KREMEN2: variants seen among roughly 807,000 people sequenced by gnomAD.
KREMEN2 encodes the protein kremen protein 2.
In KREMEN2, 43 loss-of-function variants were observed where a neutral mutation model predicts 49.8. The ratio of observed to expected loss-of-function variants is 0.86; its 90% confidence interval spans 0.68 to 1.11. The LOEUF (loss-of-function observed/expected upper bound fraction) is 1.11, where lower values mean the gene tolerates loss of function less well. Ranked by LOEUF, KREMEN2 falls within the 50% of genes most tolerant of loss-of-function variation. The pLI, the probability that KREMEN2 is intolerant of heterozygous loss-of-function variation, is 0.00. For synonymous variants in KREMEN2, 355 were observed against 304.9 expected, an observed-to-expected ratio of 1.16 and a Z score of -1.71; for missense variants, 686 against 665.7, an observed-to-expected ratio of 1.03 and a Z score of -0.34.
At position 2,967,514 on chromosome 16, in the gene KREMEN2, G is replaced by T. The variant is rs915459484; in HGVS notation, c.1100-12G>T. ...CCTCGCGCCCATCCTCACCGCAGCC[G>T]TGTGCCCGCAGCCCGGGTCTTCTCG... is the stretch of plus-strand genomic sequence containing the variant. On this transcript the variant is annotated splice_polypyrimidine_tract_variant and intron_variant, in intron 7 of 8. Coordinates refer to ENST00000303746, the MANE Select transcript of KREMEN2 (RefSeq NM_172229.3). The T allele has an allele frequency of 4.6e-5, 70 of 1,529,018 alleles. No individual in the cohort carries two copies. Among genetic ancestry groups the T allele is most frequent in the Non-Finnish European group, 5.8e-5 (66 of 1,144,394 alleles). 94.7% of individuals were successfully genotyped at this position (1,529,018 alleles called of 1,614,324 possible).
chr16:2,964,687 C>A, intron 1 of KREMEN2, 73 bp downstream of exon 1: 2 of 1,438,340 alleles, frequency 1.4e-6, no homozygotes, highest in South Asian at 2.6e-5. Flanking sequence ...GCCAGGCCCC[C>A]AAGGCTAGGG....
rs1210829529 is a variant in KREMEN2, at chr16:2,966,649, G to A, written c.494G>A (p.Gly165Asp). 1 of 1,609,696 alleles carries A rather than the reference G, an allele frequency of 6.2e-7. No homozygotes were observed. The highest frequency in any genetic ancestry group is 8.5e-7 in the Non-Finnish European group (1 of 1,179,902). ...FCRMKGYQLA[G>D]VEAGYACFCG... Reference sequence around the variant, plus strand: ...CCCAGTCTGTGCTCCCAGCTGGCGGGCGTGGAGGCCGGTTACGCCTGCTTC... The same window carrying A: ...CCCAGTCTGTGCTCCCAGCTGGCGGACGTGGAGGCCGGTTACGCCTGCTTC... Residue 165 changes from glycine to aspartate, a missense_variant, in exon 5 of 9, where the codon GGC becomes GAC. Coordinates refer to ENST00000303746, the MANE Select transcript of KREMEN2 (RefSeq NM_172229.3). This position sits in a 1 kb window ranked among gnomAD's most constrained non-coding sequence, Gnocchi z 8.4.
chr16:2,965,118 T>A, intron 2 of KREMEN2, 85 bp downstream of exon 2: 2 of 871,620 alleles, frequency 2.3e-6, no homozygotes, highest in Non-Finnish European at 2.8e-6. Flanking sequence ...GCGGGCGGGG[T>A]GGAGGTCTGC....
At position 2,967,994 on chromosome 16, in the gene KREMEN2, C is replaced by T. The variant is rs1291734978; in HGVS notation, c.1363C>T (p.Leu455=). 1.3e-6 allele frequency: 2 copies of T among 1,573,080 alleles called. No homozygotes were observed. The highest frequency in any genetic ancestry group is 3.6e-5 in the Admixed American group (2 of 55,380). ...TCTGAGTGCCTCCAGCCAGAGCTCC[C>T]TGCGCTCGCTCATCTCCGCTCTCTG... is the stretch of plus-strand genomic sequence containing the variant. The part of the protein sequence containing the change: ...RPLSASSQSS[L]RSLISAL Residue 455 remains leucine, a synonymous_variant, in exon 9 of 9, where the codon CTG becomes TTG. Coordinates refer to ENST00000303746, the MANE Select transcript of KREMEN2 (RefSeq NM_172229.3).
At chr16:2,967,735 C>T (rs758916318) in intron 8 of KREMEN2, 75 bp from the exon 9 acceptor site, 2 of 1,544,148 alleles carry the variant, frequency 1.3e-6, no homozygotes, top group Non-Finnish European at 8.8e-7. Context: ...CACAGGATCG[C>T]GCGCGGGATC....
Position 2,967,680 on chromosome 16 carries a change from G to A in KREMEN2, c.1178+76G>A, listed in dbSNP as rs777634133. 1,433 of 1,545,576 alleles carry A rather than the reference G, an allele frequency of 9.3e-4. 2 individuals are homozygous for A. Among genetic ancestry groups the A allele is most frequent in the Non-Finnish European group, 1.1e-3 (1,303 of 1,146,390 alleles). ...GAGCCCCAGAAGGGAACAGAGCTAG[G>A]AAGGAACTCCTGGGTTCTTAAGGGA... On this transcript the variant is annotated intron_variant, in intron 8 of 8. Coordinates refer to ENST00000303746, the MANE Select transcript of KREMEN2 (RefSeq NM_172229.3).
chr16:2,967,431 C>G lies in KREMEN2; in HGVS notation c.1085C>G (p.Pro362Arg), dbSNP rs950194403. The stretch of plus-strand genomic sequence containing the variant: ...TGCAGCCCCAGGCCTGGGGCTCCGC[C>G]GGCCGCGATTGGGGGTGAGGCGGGC... Reference protein sequence around the residue: ...VSCSPRPGAPPAAIGARVFST... With the variant: ...VSCSPRPGAPRAAIGARVFST... Residue 362 changes from proline (P) to arginine (R), a missense_variant, in exon 7 of 9, where the codon CCG becomes CGG. Pro to Arg is a moderately radical substitution (Grantham distance 103). Transcript: ENST00000303746. 1.4e-6 allele frequency: 2 copies of G among 1,402,124 alleles called. No individual in the cohort carries two copies. The highest frequency in any genetic ancestry group is 3.1e-5 in the African/African-American group (2 of 65,388). The allele number at this position is 1,402,124 out of a possible 1,614,324, so 86.9% of individuals were successfully genotyped here. A position where few individuals can be genotyped will look rare whatever the true frequency, so the allele number is the denominator to read the frequency against.
In KREMEN2 at chr16:2,968,275, C is replaced by T. The variant is rs933654368; in HGVS notation, c.*255C>T. ...GTCTCTGGTTTCGGAGGTCTTTGAA[C>T]CCCTCTGGGGGTGGTCCTGGACTGC... On this transcript the variant is annotated 3_prime_UTR_variant, in exon 9 of 9. Coordinates refer to ENST00000303746, the MANE Select transcript of KREMEN2 (RefSeq NM_172229.3). 2 of 1,277,114 alleles carry T rather than the reference C, an allele frequency of 1.6e-6. No individual in the cohort carries two copies. 79.1% of individuals were successfully genotyped at this position (1,277,114 alleles called of 1,614,324 possible). A position where few individuals can be genotyped will look rare whatever the true frequency, so the allele number is the denominator to read the frequency against.
In KREMEN2 at chr16:2,966,771, G is replaced by C; in HGVS notation, c.616G>C (p.Asp206His). 1 of 1,611,312 alleles carries C rather than the reference G, an allele frequency of 6.2e-7. No homozygotes were observed. Among genetic ancestry groups the C allele is most frequent in the Non-Finnish European group, 8.5e-7 (1 of 1,179,412 alleles). The change falls in exon 5 of 9, where the codon GAT becomes CAT. Residue 206 changes from aspartate (D) to histidine (H), a missense_variant. Transcript: ENST00000303746. The surrounding 1 kb of genome is among the most constrained non-coding windows in gnomAD (Gnocchi z 8.4). ...FGHPGQLCGG[D>H]GRLGVYEVSV... is the part of the protein sequence containing the mutation. ...CCACCCTGGACAGCTGTGTGGCGGCGATGGGCGGCTGGGCGTCTATGAAGG... is the reference window on the plus strand; with the variant it reads ...CCACCCTGGACAGCTGTGTGGCGGCCATGGGCGGCTGGGCGTCTATGAAGG...
chr16:2,967,663 G>A, intron 8 of KREMEN2, 59 bp downstream of exon 8: 1 of 1,540,910 alleles, frequency 6.5e-7, no homozygotes, highest in Non-Finnish European at 8.7e-7. Flanking sequence ...TGGAGCCCCA[G>A]AAGGGAACAG....
chr16:2,964,734 C>A, intron 1 of KREMEN2, 120 bp downstream of exon 1: 1 of 1,392,284 alleles, frequency 7.2e-7, no homozygotes, highest in Non-Finnish European at 9.8e-7. Context: ...AGCTGAGCAG[C>A]CCGAGGGCTC....
intron 2 of KREMEN2, 106 bp downstream of exon 2, chr16:2,965,139 C>T: frequency 1.3e-6 from 1 of 791,630 alleles, no homozygotes; most frequent in Non-Finnish European, 1.8e-6. Flanking sequence ...CGTGGACTGG[C>T]AGCCCAGCCT....
In KREMEN2 at chr16:2,964,501, C is replaced by T. The variant is rs1270391472; in HGVS notation, c.-20C>T. On this transcript the variant is annotated 5_prime_UTR_variant, in exon 1 of 9. Transcript: ENST00000303746. The stretch of plus-strand genomic sequence containing the variant: ...CCGGGCCGTGTCCGGGCGAGGGTGA[C>T]CTATCCTTGGTTGAGAGCGATGGGG... 5 of 1,533,532 alleles carry T rather than the reference C, an allele frequency of 3.3e-6. No individual in the cohort carries two copies. The highest frequency in any genetic ancestry group is 4.4e-6 in the Non-Finnish European group (5 of 1,139,932). The allele number at this position is 1,533,532 out of a possible 1,614,324, so 95.0% of individuals were successfully genotyped here.
At chr16:2,965,769 CAAA>C (rs5815141) in intron 2 of KREMEN2, among the ~76,000 whole-genome samples, 9 of 115,648 alleles carry the variant, frequency 7.8e-5, no homozygotes, top group East Asian at 2.8e-4. Flanking sequence ...AGACTCGTCT[CAAA>C]AAAAAAAAAA....
intron 8 of KREMEN2, 67 bp from the exon 9 acceptor site, chr16:2,967,743 A>T: frequency 6.5e-7 from 1 of 1,545,192 alleles, no homozygotes; most frequent in East Asian, 2.4e-5. Context: ...CGCGCGCGGG[A>T]TCGCAGGTAG....
In KREMEN2 at chr16:2,964,437, A is replaced by G; in HGVS notation, c.-84A>G. Reference sequence around the variant, plus strand: ...AGACTGTCAGAGGACAACGCCCCCTAGGTCTCCTGGGAGACCCCGAAGCGA... The same window carrying G: ...AGACTGTCAGAGGACAACGCCCCCTGGGTCTCCTGGGAGACCCCGAAGCGA... On this transcript the variant is annotated 5_prime_UTR_variant, in exon 1 of 9. Transcript: ENST00000303746. 2 of 909,200 alleles carry G rather than the reference A, an allele frequency of 2.2e-6. No individual in the cohort carries two copies. Among genetic ancestry groups the G allele is most frequent in the East Asian group, 2.7e-5 (1 of 36,796 alleles). The allele number at this position is 909,200 out of a possible 1,614,324, so 56.3% of individuals were successfully genotyped here. A position where few individuals can be genotyped will look rare whatever the true frequency, so the allele number is the denominator to read the frequency against.
chr16:2,966,212 C>T lies in KREMEN2; in HGVS notation c.342C>T (p.Cys114=). 1.9e-6 allele frequency: 3 copies of T among 1,613,052 alleles called. No homozygotes were observed. Among genetic ancestry groups the T allele is most frequent in the South Asian group, 1.1e-5 (1 of 91,052 alleles). The change falls in exon 3 of 9, where the codon TGC becomes TGT. Residue 114 remains cysteine, a synonymous_variant. Coordinates refer to ENST00000303746, the MANE Select transcript of KREMEN2 (RefSeq NM_172229.3). This position sits in a 1 kb window ranked among gnomAD's most constrained non-coding sequence, Gnocchi z 8.4. ...AGGAGGGCATCTACTGGCGCTACTG[C>T]GACATCCCCTCCTGTCACAGTGAGT... ...ETEEGIYWRY[C]DIPSCHMPGY...
Position 2,967,953 on chromosome 16 carries a change from C to T in KREMEN2, c.1322C>T (p.Ala441Val), listed in dbSNP as rs747033806. 2 of 1,584,902 alleles carry T rather than the reference C, an allele frequency of 1.3e-6. No homozygotes were observed. Among genetic ancestry groups the T allele is most frequent in the South Asian group, 1.1e-5 (1 of 87,270 alleles). ...GGGGACCCCCAGGCTGAGGGTTCTG[C>T]CGCGGGCTACCGGCCTCTGAGTGCC... ...SPGDPQAEGS[A>V]AGYRPLSASS... is the part of the protein sequence containing the mutation. Residue 441 changes from alanine (A) to valine (V), a missense_variant, in exon 9 of 9, where the codon GCC (alanine) becomes GTC (valine). Ala to Val is a moderately conservative substitution (Grantham distance 64, BLOSUM62 0). Transcript: ENST00000303746.
intron 1 of KREMEN2, 63 bp from the exon 2 acceptor site, chr16:2,964,796 G>A: frequency 6.4e-7 from 1 of 1,570,180 alleles, no homozygotes; most frequent in Non-Finnish European, 8.7e-7. Flanking sequence ...GGGAGGTGGC[G>A]TAGGGGCGCG....
Sources: allele counts gnomAD v4.1 joint callset (sites outside exome capture counted in the v4.1 genomes callset), GRCh38; gene constraint gnomAD v4.1.1; non-coding constraint Gnocchi (gnomAD v3.1); transcripts MANE v1.5; gene names NCBI Gene and HGNC (gene_info 2026-07-23, HGNC 2026-07-21).